The following PTPRG variants were observed in gnomAD, a reference collection of about 807,000 sequenced individuals.
PTPRG encodes the protein protein tyrosine phosphatase receptor type G.
A neutral mutation model predicts 165.3 loss-of-function variants in PTPRG; 102 were observed. The observed-to-expected ratio is 0.62, with a 90% CI of 0.53 to 0.73. The LOEUF is 0.73. Ranked by LOEUF, PTPRG falls within the 30% of genes least tolerant of loss-of-function variation. The pLI, the probability that PTPRG is intolerant of heterozygous loss-of-function variation, is 0.00. For missense variants in PTPRG, 1,866 were observed against 1,861.4 expected, an observed-to-expected ratio of 1.00 and a Z score of -0.05; for synonymous variants, 675 against 669.5, an observed-to-expected ratio of 1.01 and a Z score of -0.13.
At chr3:61,683,207 A>T (rs569041054) in intron 1 of PTPRG, among the ~76,000 whole-genome samples, 41 of 152,354 alleles carry the variant, frequency 2.7e-4, no homozygotes, top group Non-Finnish European at 2.6e-4. Flanking sequence ...CAGGCTATAA[A>T]GATCAGCACA....
At chr3:61,892,898 T>C (rs899726392) in intron 2 of PTPRG, among the ~76,000 whole-genome samples, 1 of 152,102 alleles carries the variant, frequency 6.6e-6, no homozygotes, top group South Asian at 2.1e-4. Context: ...AAATTGGGGC[T>C]CACTTTGTTC....
intron 12 of PTPRG, among the ~76,000 whole-genome samples, chr3:62,206,848 T>C (rs1416530360): frequency 6.8e-6 from 1 of 146,448 alleles, no homozygotes; most frequent in East Asian, 2.0e-4. Context: ...GGGAGATCAC[T>C]TGAGCCTGGA....
At position 61,743,101 on chromosome 3, in the gene PTPRG, G is replaced by C. The variant is rs560309829; in HGVS notation, c.86-5777G>C. On this transcript the variant is annotated intron_variant, in intron 1 of 29. Transcript: ENST00000474889. ...GTACAGGGTGTTGCGAGAGACTGCTGCTCATGGCTTCTCACGCCGCGCTAA... is the reference window on the plus strand; with the variant it reads ...GTACAGGGTGTTGCGAGAGACTGCTCCTCATGGCTTCTCACGCCGCGCTAA... The C allele has an allele frequency of 6.0e-6, 9 of 1,506,994 alleles. No homozygotes were observed. The East Asian group carries it at 1.6e-4, about 27-fold the overall frequency. The allele number at this position is 1,506,994 out of a possible 1,614,324, so 93.4% of individuals were successfully genotyped here.
chr3:62,144,202 A>G (rs1024056893), intron 6 of PTPRG, among the ~76,000 whole-genome samples: 1 of 152,224 alleles, frequency 6.6e-6, no homozygotes, highest in African/African-American at 2.4e-5. Flanking sequence ...AAAGTTTGTC[A>G]ATCCTACCTC....
chr3:62,291,620 A>G lies in PTPRG; in HGVS notation c.4056-801A>G, dbSNP rs559502195. Among the ~76,000 whole-genome samples the G allele has an allele frequency of 5.9e-5, 9 of 152,290 alleles. No homozygotes were observed. The East Asian group carries it at 1.2e-3, about 20-fold the overall frequency. ...TTTTATGTAACAATTCAGAAATGAC[A>G]TTTAAGTTTTTCAAAAAACAATGGG... On this transcript the variant is annotated intron_variant, in intron 28 of 29. Coordinates refer to ENST00000474889, the MANE Select transcript of PTPRG (RefSeq NM_002841.4).
At chr3:62,208,596 C>A (rs1422934300) in intron 12 of PTPRG, among the ~76,000 whole-genome samples, 2 of 152,112 alleles carry the variant, frequency 1.3e-5, no homozygotes, top group Admixed American at 6.5e-5. Flanking sequence ...CCACTTCCAT[C>A]CCCTGGCCTG....
intron 1 of PTPRG, among the ~76,000 whole-genome samples, chr3:61,652,317 TAAAA>T (rs1372498275): frequency 1.3e-5 from 2 of 151,938 alleles, no homozygotes; most frequent in Non-Finnish European, 1.5e-5. Context: ...AGTAAGTAAA[TAAAA>T]AATAAAATGA....
intron 28 of PTPRG, among the ~76,000 whole-genome samples, chr3:62,291,124 C>G (rs903367649): frequency 6.6e-6 from 1 of 152,106 alleles, no homozygotes; most frequent in East Asian, 1.9e-4. Context: ...CATAAAAAGA[C>G]ATTCAGCCTC....
chr3:62,083,266 T>TTC (rs1481641629), intron 5 of PTPRG, among the ~76,000 whole-genome samples: 4 of 151,194 alleles, frequency 2.6e-5, no homozygotes, highest in African/African-American at 9.8e-5. Context: ...TACTTTTTTT[T>TTC]TTTTCTTCCT....
In PTPRG at chr3:62,254,814, CT is replaced by C. The variant is rs555780687; in HGVS notation, c.2468-306del. ...AATGGGTACCCTTGATAAATTCACA[CT>C]TTTAGTTAAGAGTATGCTATGGTAA... is the stretch of plus-strand genomic sequence containing the variant. On this transcript the variant is annotated intron_variant, in intron 15 of 29. Coordinates refer to ENST00000474889, the MANE Select transcript of PTPRG (RefSeq NM_002841.4). This position sits in a 1 kb window ranked among gnomAD's most constrained non-coding sequence, Gnocchi z 4.6. Among the ~76,000 whole-genome samples, 173 of 152,066 alleles carry C rather than the reference CT, an allele frequency of 1.1e-3. 2 individuals carry two copies. The highest frequency in any genetic ancestry group is 1.0e-4 in the Non-Finnish European group (7 of 67,996).
chr3:61,621,033 G>GTA (rs368012442), intron 1 of PTPRG, among the ~76,000 whole-genome samples: 5,627 of 129,978 alleles, frequency 0.043, 271 homozygotes, highest in Non-Finnish European at 0.061. Context: ...GTGTGTGTGT[G>GTA]TATATATATA....
intron 1 of PTPRG, among the ~76,000 whole-genome samples, chr3:61,672,529 C>T (rs1281398020): frequency 6.7e-6 from 1 of 149,138 alleles, no homozygotes; most frequent in Admixed American, 6.7e-5. Flanking sequence ...ACCAGCCCGG[C>T]CAACACAGCG....
At chr3:61,701,896 G>A (rs1431936149) in intron 1 of PTPRG, among the ~76,000 whole-genome samples, 1 of 151,942 alleles carries the variant, frequency 6.6e-6, no homozygotes, top group Admixed American at 6.6e-5. Context: ...CTAAAAAAGA[G>A]AGAGAGAGGG....
At chr3:61,957,864 C>T (rs1241357747) in intron 2 of PTPRG, among the ~76,000 whole-genome samples, 2 of 152,184 alleles carry the variant, frequency 1.3e-5, no homozygotes, top group Non-Finnish European at 2.9e-5. Flanking sequence ...GAAACAATGA[C>T]ACTTAGGTGG....
intron 2 of PTPRG, among the ~76,000 whole-genome samples, chr3:61,975,259 T>G (rs2040475478): frequency 6.6e-6 from 1 of 152,210 alleles, no homozygotes. Context: ...TGCCCTCACA[T>G]GCCTCATCTA....
At chr3:62,014,479 A>G (rs1174803493) in intron 4 of PTPRG, among the ~76,000 whole-genome samples, 2 of 152,248 alleles carry the variant, frequency 1.3e-5, no homozygotes, top group Non-Finnish European at 2.9e-5. Flanking sequence ...TTAGGTTAAT[A>G]GTAAAATAAC....
intron 2 of PTPRG, among the ~76,000 whole-genome samples, chr3:61,850,447 C>T (rs551161407): frequency 5.3e-5 from 8 of 152,294 alleles, no homozygotes; most frequent in South Asian, 2.1e-4. Context: ...AGGCGTGAGC[C>T]GCTGTGCCCA....
intron 4 of PTPRG, among the ~76,000 whole-genome samples, chr3:62,033,522 G>A (rs1218181240): frequency 7.1e-6 from 1 of 140,526 alleles, no homozygotes; most frequent in Non-Finnish European, 1.5e-5. Flanking sequence ...CACATACCAT[G>A]CCTATCTTCC....
At chr3:61,783,152 T>G (rs1034003795) in intron 2 of PTPRG, among the ~76,000 whole-genome samples, 8 of 152,100 alleles carry the variant, frequency 5.3e-5, no homozygotes, top group African/African-American at 1.9e-4. Context: ...TAAAATATAT[T>G]TCAACATGGC....
Sources: allele counts gnomAD v4.1 joint callset (sites outside exome capture counted in the v4.1 genomes callset), GRCh38; gene constraint gnomAD v4.1.1; non-coding constraint Gnocchi (gnomAD v3.1); transcripts MANE v1.5; gene names NCBI Gene and HGNC (gene_info 2026-07-23, HGNC 2026-07-21).